The following MYO3B variants were observed in gnomAD, a reference collection of about 807,000 sequenced individuals.
MYO3B encodes myosin-IIIb.
MYO3B carries 156 observed loss-of-function variants against 174.6 expected under a neutral mutation model. That is an observed-to-expected ratio of 0.89 (90% CI 0.78 to 1.02). The LOEUF (loss-of-function observed/expected upper bound fraction) is 1.02, where lower values mean the gene tolerates loss of function less well. Ranked by LOEUF, MYO3B falls within the 50% of genes least tolerant of loss-of-function variation. The pLI, the probability that MYO3B is intolerant of heterozygous loss-of-function variation, is 0.00. For missense variants in MYO3B, 1,632 were observed against 1,639.4 expected, an observed-to-expected ratio of 1.00 and a Z score of 0.08; for synonymous variants, 563 against 569.1, an observed-to-expected ratio of 0.99 and a Z score of 0.15.
At chr2:170,379,305 C>T (rs1210643532) in intron 9 of MYO3B, among the ~76,000 whole-genome samples, 1 of 151,746 alleles carries the variant, frequency 6.6e-6, no homozygotes, top group Non-Finnish European at 1.5e-5. Flanking sequence ...AGCAATTCTC[C>T]TGCCTCAGCC....
At chr2:170,480,041 GTATA>G (rs57069590) in intron 25 of MYO3B, among the ~76,000 whole-genome samples, 1 of 146,344 alleles carries the variant, frequency 6.8e-6, no homozygotes, top group Non-Finnish European at 1.5e-5. Flanking sequence ...GTGTGTGTGT[GTATA>G]TATATATATA....
intron 7 of MYO3B, among the ~76,000 whole-genome samples, chr2:170,330,405 T>C (rs1402708528): frequency 2.0e-5 from 3 of 152,212 alleles, no homozygotes; most frequent in Non-Finnish European, 4.4e-5. Flanking sequence ...GAGACAGAAA[T>C]ACCTGAATTT....
At chr2:170,394,668 T>C (rs1036352004) in intron 16 of MYO3B, among the ~76,000 whole-genome samples, 2 of 152,214 alleles carry the variant, frequency 1.3e-5, no homozygotes, top group Non-Finnish European at 2.9e-5. Flanking sequence ...CCCACATTAA[T>C]TCATACAGGA....
At chr2:170,195,355 A>G (rs1414741631) in intron 1 of MYO3B, among the ~76,000 whole-genome samples, 1 of 152,098 alleles carries the variant, frequency 6.6e-6, no homozygotes, top group African/African-American at 2.4e-5. Flanking sequence ...GAACGGCAGA[A>G]CGGCACAGCA....
chr2:170,499,837 C>T, intron 27 of MYO3B, 29 bp downstream of exon 27: 1 of 1,607,818 alleles, frequency 6.2e-7, no homozygotes, highest in South Asian at 1.1e-5. Context: ...ATAAATACTG[C>T]CCTGGGTATT....
chr2:170,194,541 G>C (rs1241250794), intron 1 of MYO3B, among the ~76,000 whole-genome samples: 2 of 151,842 alleles, frequency 1.3e-5, no homozygotes, highest in Non-Finnish European at 2.9e-5. Context: ...AATATACATG[G>C]TTTACATATT....
At chr2:170,499,244 C>T (rs1687069098) in intron 26 of MYO3B, among the ~76,000 whole-genome samples, 1 of 152,174 alleles carries the variant, frequency 6.6e-6, no homozygotes, top group Non-Finnish European at 1.5e-5. Flanking sequence ...GAAATTAGAT[C>T]ACTGTGGATC....
chr2:170,393,707 C>T (rs976341130), intron 16 of MYO3B, among the ~76,000 whole-genome samples: 2 of 152,130 alleles, frequency 1.3e-5, no homozygotes, highest in Non-Finnish European at 2.9e-5. Context: ...CCCTTCCCTC[C>T]CCTGCATGGT....
intron 28 of MYO3B, 74 bp from the exon 29 acceptor site, chr2:170,514,847 G>A (rs916751902): frequency 2.6e-5 from 35 of 1,341,782 alleles, no homozygotes; most frequent in African/African-American, 4.3e-5. Context: ...TGGCCAACTT[G>A]TATCACCCAG....
At chr2:170,601,621 C>T in intron 32 of MYO3B, 1 of 1,255,504 alleles carries the variant, frequency 8.0e-7, no homozygotes, top group Non-Finnish European at 1.2e-6. Flanking sequence ...TATTCATCAT[C>T]ATCTTCTTCA....
In MYO3B at chr2:170,386,341, G is replaced by T; in HGVS notation, c.1374+69G>T. 3 of 1,333,998 alleles carry T rather than the reference G, an allele frequency of 2.2e-6. No individual in the cohort carries two copies. The South Asian group carries it at 3.8e-5, about 17-fold the overall frequency. The allele number at this position is 1,333,998 out of a possible 1,614,324, so 82.6% of individuals were successfully genotyped here. On this transcript the variant is annotated intron_variant, in intron 13 of 34. Coordinates refer to ENST00000408978, the MANE Select transcript of MYO3B (RefSeq NM_138995.5). ...CAGAGTAACTGCATATTTGATAAAT[G>T]ATGGAAGTGCTGGGTTTTTTTTATT...
intron 32 of MYO3B, among the ~76,000 whole-genome samples, chr2:170,618,518 CGTT>C (rs1210860061): frequency 1.3e-5 from 2 of 152,098 alleles, no homozygotes; most frequent in African/African-American, 2.4e-5. Flanking sequence ...TTCTCTGTCT[CGTT>C]GTTGCATGCA....
At chr2:170,247,279 A>G (rs2093201735) in intron 7 of MYO3B, among the ~76,000 whole-genome samples, 1 of 152,080 alleles carries the variant, frequency 6.6e-6, no homozygotes, top group African/African-American at 2.4e-5. Context: ...CCTATCTGGC[A>G]CAGGTCCTCT....
intron 33 of MYO3B, 147 bp from the exon 34 acceptor site, chr2:170,651,961 C>T: frequency 2.4e-6 from 2 of 819,770 alleles, no homozygotes; most frequent in South Asian, 1.7e-5. Flanking sequence ...CTTCATCAGG[C>T]TCACTTGAGC....
At position 170,445,129 on chromosome 2, in the gene MYO3B, A is replaced by G. The variant is rs554760848; in HGVS notation, c.2730+1083A>G. Among the ~76,000 whole-genome samples, 95 of 152,300 alleles carry G rather than the reference A, an allele frequency of 6.2e-4. 1 individual carries two copies. Among genetic ancestry groups the G allele is most frequent in the South Asian group, 8.3e-4 (4 of 4,824 alleles). On this transcript the variant is annotated intron_variant, in intron 23 of 34. Coordinates refer to ENST00000408978, the MANE Select transcript of MYO3B (RefSeq NM_138995.5). ...CTCATTTTACACATGTTTCTGTTAA[A>G]AGACACCCTATTTAATATATGTTTA...
intron 7 of MYO3B, among the ~76,000 whole-genome samples, chr2:170,266,098 T>A (rs965687248): frequency 1.3e-5 from 2 of 152,114 alleles, no homozygotes; most frequent in African/African-American, 4.8e-5. Context: ...GGATGGGTAA[T>A]CATAATTATG....
chr2:170,383,848 C>A lies in MYO3B; in HGVS notation c.1290+34C>A, dbSNP rs148409407. 1,373 of 1,516,454 alleles carry A rather than the reference C, an allele frequency of 9.1e-4. 10 individuals are homozygous for A. In the African/African-American group the frequency reaches 0.014, roughly 15 times the overall value. The allele number at this position is 1,516,454 out of a possible 1,614,324, so 93.9% of individuals were successfully genotyped here. A position where few individuals can be genotyped will look rare whatever the true frequency, so the allele number is the denominator to read the frequency against. On this transcript the variant is annotated intron_variant, in intron 12 of 34. Coordinates refer to ENST00000408978, the MANE Select transcript of MYO3B (RefSeq NM_138995.5). ...TCACCTTCCTTTCCTACGGAGTCAC[C>A]CAGTTAAGACATGTTGTGTCTTCCT... is the stretch of plus-strand genomic sequence containing the variant.
chr2:170,186,005 G>A (rs1375128294), intron 1 of MYO3B, among the ~76,000 whole-genome samples: 2 of 152,098 alleles, frequency 1.3e-5, no homozygotes, highest in African/African-American at 4.8e-5. Flanking sequence ...AAACTTTACT[G>A]AATTTATCAG....
At chr2:170,286,488 T>G (rs1182305302) in intron 7 of MYO3B, among the ~76,000 whole-genome samples, 1 of 152,222 alleles carries the variant, frequency 6.6e-6, no homozygotes, top group African/African-American at 2.4e-5. Flanking sequence ...GGATTATATC[T>G]AGTCATGGTT....
Sources: allele counts gnomAD v4.1 joint callset (sites outside exome capture counted in the v4.1 genomes callset), GRCh38; gene constraint gnomAD v4.1.1; transcripts MANE v1.5; gene names NCBI Gene and HGNC (gene_info 2026-07-23, HGNC 2026-07-21).